DGKB: variants seen among roughly 807,000 people sequenced by gnomAD.
DGKB encodes 90 kDa diacylglycerol kinase.
Under a neutral mutation model 114.3 loss-of-function variants are expected in DGKB, and 67 were observed. The ratio of observed to expected loss-of-function variants is 0.59; its 90% confidence interval spans 0.48 to 0.72. The LOEUF is 0.72. Ranked by LOEUF, DGKB falls within the 30% of genes least tolerant of loss-of-function variation. DGKB has a pLI of 0.00. For synonymous variants in DGKB, 398 were observed against 323.1 expected (o/e 1.23, Z -2.49); for missense variants, 907 against 975.2 (o/e 0.93, Z 0.93).
intron 1 of DGKB, among the ~76,000 whole-genome samples, chr7:14,882,469 A>G (rs142562754): frequency 6.6e-6 from 1 of 151,952 alleles, no homozygotes; most frequent in Non-Finnish European, 1.5e-5. Flanking sequence ...AATTTTTGCA[A>G]TACAAGTGCA....
intron 23 of DGKB, among the ~76,000 whole-genome samples, chr7:14,321,727 A>C (rs1329537474): frequency 6.6e-6 from 1 of 152,154 alleles, no homozygotes; most frequent in Non-Finnish European, 1.5e-5. Context: ...AGAATTGATA[A>C]GTGATTTTAG....
At chr7:14,189,309 A>G (rs1209379649) in intron 23 of DGKB, among the ~76,000 whole-genome samples, 1 of 152,208 alleles carries the variant, frequency 6.6e-6, no homozygotes, top group African/African-American at 2.4e-5. Context: ...GAGTAATTTT[A>G]TGCAACCAAA....
rs183248558 is a variant in DGKB at position 14,354,515 on chromosome 7, G to C, written c.1836-9124C>G. On this transcript the variant is annotated intron_variant, in intron 21 of 25. Transcript: ENST00000402815. Reference sequence around the variant, plus strand: ...TTGGAATTATGTTTATACAAGAAAAGAAGAGATCTCTACATAACACTTACT... The same window carrying C: ...TTGGAATTATGTTTATACAAGAAAACAAGAGATCTCTACATAACACTTACT... Among the ~76,000 whole-genome samples the C allele has an allele frequency of 2.0e-5, 3 of 152,226 alleles. No homozygotes were observed. The East Asian group carries it at 5.8e-4, about 29-fold the overall frequency.
intron 3 of DGKB, 134 bp from the exon 4 acceptor site, chr7:14,754,082 C>T (rs2128440653): frequency 1.7e-6 from 1 of 577,034 alleles, no homozygotes; most frequent in African/African-American, 1.9e-5. Flanking sequence ...GATCCATAGG[C>T]CTCAAAAGGT....
intron 1 of DGKB, among the ~76,000 whole-genome samples, chr7:14,852,496 A>AAAAAAAAAAAAAAAAAAAAAAT (rs74765279): frequency 1.3e-5 from 2 of 149,016 alleles, no homozygotes; most frequent in Non-Finnish European, 3.0e-5. Flanking sequence ...TCAAAAAAAA[A>AAAAAAAAAAAAAAAAAAAAAAT]ACAGAAATCA....
chr7:14,242,442 G>A (rs1303452448), intron 23 of DGKB, among the ~76,000 whole-genome samples: 1 of 152,108 alleles, frequency 6.6e-6, no homozygotes, highest in African/African-American at 2.4e-5. Context: ...CACAAATCCT[G>A]ACAGCTTTCG....
intron 2 of DGKB, among the ~76,000 whole-genome samples, chr7:14,770,172 C>G (rs137990704): frequency 6.6e-6 from 1 of 151,926 alleles, no homozygotes; most frequent in Non-Finnish European, 1.5e-5. Context: ...CTCTGAGAAG[C>G]CTTAAGTTGC....
intron 1 of DGKB, among the ~76,000 whole-genome samples, chr7:14,880,590 T>C (rs552531822): frequency 6.6e-6 from 1 of 152,230 alleles, no homozygotes; most frequent in African/African-American, 2.4e-5. Context: ...GGAAGAGGTT[T>C]GGATTGCATC....
chr7:14,415,091 G>A (rs977812593), intron 21 of DGKB, among the ~76,000 whole-genome samples: 7 of 151,498 alleles, frequency 4.6e-5, no homozygotes, highest in Admixed American at 1.3e-4. Context: ...CATTATATAA[G>A]CATATGAAAT....
At chr7:14,501,190 T>C (rs1032181151) in intron 20 of DGKB, among the ~76,000 whole-genome samples, 1 of 151,830 alleles carries the variant, frequency 6.6e-6, no homozygotes, top group African/African-American at 2.4e-5. Flanking sequence ...TGTGACTGTA[T>C]GATTTTTGTT....
At chr7:14,292,493 T>C (rs1172965678) in intron 23 of DGKB, among the ~76,000 whole-genome samples, 1 of 152,226 alleles carries the variant, frequency 6.6e-6, no homozygotes, top group Non-Finnish European at 1.5e-5. Context: ...TGTTTCTTTA[T>C]CAATTGTCAC....
intron 23 of DGKB, among the ~76,000 whole-genome samples, chr7:14,265,728 C>G (rs759852974): frequency 1.6e-4 from 24 of 152,050 alleles, no homozygotes; most frequent in Non-Finnish European, 2.6e-4. Context: ...TCAATATACC[C>G]TCATGGTTGA....
chr7:14,549,145 T>C (rs1794745653), intron 20 of DGKB, among the ~76,000 whole-genome samples: 1 of 151,814 alleles, frequency 6.6e-6, no homozygotes, highest in Non-Finnish European at 1.5e-5. Context: ...CTTGAGAGAG[T>C]GTAAGGTCAT....
intron 12 of DGKB, among the ~76,000 whole-genome samples, chr7:14,675,237 T>G (rs908150587): frequency 6.6e-6 from 1 of 152,108 alleles, no homozygotes; most frequent in African/African-American, 2.4e-5. Context: ...GGGCAGGACA[T>G]ACTGAGTCTT....
chr7:14,316,730 T>C (rs954863410), intron 23 of DGKB, among the ~76,000 whole-genome samples: 19 of 150,730 alleles, frequency 1.3e-4, no homozygotes, highest in African/African-American at 4.6e-4. Context: ...TACCATTCCT[T>C]CTGAAACTAT....
chr7:14,544,739 T>A (rs1044778078), intron 20 of DGKB, among the ~76,000 whole-genome samples: 89 of 152,332 alleles, frequency 5.8e-4, no homozygotes, highest in African/African-American at 2.0e-3. Flanking sequence ...TAATAAAAAC[T>A]TGACATGTTG....
intron 1 of DGKB, among the ~76,000 whole-genome samples, chr7:14,900,315 C>T (rs1782808762): frequency 6.6e-6 from 1 of 152,104 alleles, no homozygotes; most frequent in Admixed American, 6.6e-5. Context: ...TAGGCTTCTT[C>T]ACTATTTTTC....
intron 1 of DGKB, among the ~76,000 whole-genome samples, chr7:14,867,877 G>A (rs1335889116): frequency 6.6e-6 from 1 of 152,072 alleles, no homozygotes; most frequent in East Asian, 1.9e-4. Context: ...AATCAAATCA[G>A]CTGTCCCAGT....
intron 23 of DGKB, among the ~76,000 whole-genome samples, chr7:14,318,847 T>A (rs1341534353): frequency 6.6e-6 from 1 of 152,190 alleles, no homozygotes; most frequent in Non-Finnish European, 1.5e-5. Flanking sequence ...CGTATGTTTA[T>A]TGCGGCATTA....
Sources: allele counts gnomAD v4.1 joint callset (sites outside exome capture counted in the v4.1 genomes callset), GRCh38; gene constraint gnomAD v4.1.1; transcripts MANE v1.5; gene names NCBI Gene and HGNC (gene_info 2026-07-23, HGNC 2026-07-21).